The following FAM193A variants were observed in gnomAD, a reference collection of about 807,000 sequenced individuals.
FAM193A encodes protein FAM193A.
Under a neutral mutation model 126.5 loss-of-function variants are expected in FAM193A, and 22 were observed. That is an observed-to-expected ratio of 0.17 (90% CI 0.12 to 0.25). The LOEUF is 0.25. Ranked by LOEUF, FAM193A falls within the 10% of genes least tolerant of loss-of-function variation. The pLI, the probability that FAM193A is intolerant of heterozygous loss-of-function variation, is 1.00. For missense variants in FAM193A, 1,675 were observed against 1,672.8 expected (o/e 1.00, Z -0.02); for synonymous variants, 761 against 646.8 (o/e 1.18, Z -2.68).
chr4:2,551,802 T>C (rs1379416912), intron 1 of FAM193A, among the ~76,000 whole-genome samples: 1 of 152,040 alleles, frequency 6.6e-6, no homozygotes, highest in East Asian at 1.9e-4. Flanking sequence ...CACTTTGCCT[T>C]ATTATTTGCT....
chr4:2,624,528 C>G (rs1196816555), intron 2 of FAM193A, among the ~76,000 whole-genome samples: 1 of 152,190 alleles, frequency 6.6e-6, no homozygotes, highest in East Asian at 1.9e-4. Context: ...GGCCTCTGCC[C>G]CGGCTGCTTG....
chr4:2,715,362 C>G (rs1719428159), intron 19 of FAM193A: 1 of 237,560 alleles, frequency 4.2e-6, no homozygotes, highest in South Asian at 1.5e-4. Context: ...ACTCAGGAGG[C>G]TGAGGCAGGA....
intron 18 of FAM193A, 88 bp downstream of exon 18, chr4:2,696,681 C>G: frequency 3.0e-6 from 3 of 996,448 alleles, no homozygotes; most frequent in South Asian, 3.0e-5. Context: ...CAGGGCTGAG[C>G]CACAGGAGGT....
chr4:2,694,933 T>C lies in FAM193A; in HGVS notation c.3093-13T>C. The C allele has an allele frequency of 6.3e-7, 1 of 1,578,264 alleles. No homozygotes were observed. Among genetic ancestry groups the C allele is most frequent in the Non-Finnish European group, 8.6e-7 (1 of 1,165,516 alleles). ...CCGGCCACTTGCTGATGAGCTTGTA[T>C]GCGGTTTTGCAGTGACCCTGACTGC... On this transcript the variant is annotated splice_polypyrimidine_tract_variant and intron_variant, in intron 16 of 20. Coordinates refer to ENST00000637812, the MANE Select transcript of FAM193A (RefSeq NM_001366318.2).
At chr4:2,641,476 A>T (rs1408598911) in intron 6 of FAM193A, among the ~76,000 whole-genome samples, 1 of 151,914 alleles carries the variant, frequency 6.6e-6, no homozygotes, top group Non-Finnish European at 1.5e-5. Flanking sequence ...TAACACGGTG[A>T]AACCTCGTCT....
In FAM193A at chr4:2,655,020, T is replaced by C. The variant is rs896354701; in HGVS notation, c.1312-2783T>C. 7 of 660,040 alleles carry C rather than the reference T, an allele frequency of 1.1e-5. No individual in the cohort carries two copies. In the African/African-American group the frequency reaches 1.2e-4, roughly 12 times the overall value. 40.9% of individuals were successfully genotyped at this position (660,040 alleles called of 1,614,324 possible). A position where few individuals can be genotyped will look rare whatever the true frequency, so the allele number is the denominator to read the frequency against. On this transcript the variant is annotated intron_variant, in intron 7 of 20. Coordinates refer to ENST00000637812, the MANE Select transcript of FAM193A (RefSeq NM_001366318.2). Reference sequence around the variant, plus strand: ...CAAATAATGATAGGTTTATCTCATCTTTTCCAGCATTTGTCCCCTTTTTTT... The same window carrying C: ...CAAATAATGATAGGTTTATCTCATCCTTTCCAGCATTTGTCCCCTTTTTTT...
rs991194950 is a variant in FAM193A at position 2,549,749 on chromosome 4, A to G, written c.255+12579A>G. On this transcript the variant is annotated intron_variant, in intron 1 of 20. Transcript: ENST00000637812. ...GTTTTACTTTTTTGTTTTCTTTGAG[A>G]TGGAGTCTCACTCTGTCTCCCAGGC... is the stretch of plus-strand genomic sequence containing the variant. 2.0e-5 allele frequency among the ~76,000 whole-genome samples: 3 copies of G among 150,018 alleles called. No individual in the cohort carries two copies. In the South Asian group the frequency reaches 6.3e-4, roughly 31 times the overall value.
chr4:2,721,311 TCAAAAAAAAAA>T (rs1560616192), intron 20 of FAM193A, among the ~76,000 whole-genome samples: 2 of 29,232 alleles, frequency 6.8e-5, no homozygotes, highest in African/African-American at 3.0e-4. Context: ...AGACTCCGTC[TCAAAAAAAAAA>T]AAAAAAAAAA....
chr4:2,546,197 TC>T (rs1272682961), intron 1 of FAM193A, among the ~76,000 whole-genome samples: 2 of 151,728 alleles, frequency 1.3e-5, no homozygotes, highest in African/African-American at 4.8e-5. Flanking sequence ...CCACTGTGTT[TC>T]CCAAGCTGAT....
rs958578614 is a variant in FAM193A, at chr4:2,683,435, C to T, written c.2332-6071C>T. 2.0e-4 allele frequency among the ~76,000 whole-genome samples: 30 copies of T among 152,162 alleles called. 1 individual carries two copies. Among genetic ancestry groups the T allele is most frequent in the Admixed American group, 1.6e-3 (24 of 15,276 alleles). On this transcript the variant is annotated intron_variant, in intron 13 of 20. Transcript: ENST00000637812. ...TCAGCCTCCCAGGTAGCTGGGATTACAGGCTCCCGCCATCATGCCCGGCTA... is the reference window on the plus strand; with the variant it reads ...TCAGCCTCCCAGGTAGCTGGGATTATAGGCTCCCGCCATCATGCCCGGCTA...
chr4:2,706,400 G>A (rs867792980), intron 19 of FAM193A, among the ~76,000 whole-genome samples: 2 of 148,364 alleles, frequency 1.3e-5, no homozygotes, highest in African/African-American at 2.5e-5. Context: ...GGGTTCAAGC[G>A]ATTCTCCTGC....
chr4:2,615,592 C>T (rs1270031248), intron 2 of FAM193A, among the ~76,000 whole-genome samples: 1 of 152,172 alleles, frequency 6.6e-6, no homozygotes, highest in African/African-American at 2.4e-5. Context: ...GATCTCGGCT[C>T]ACTGCAACCT....
chr4:2,726,009 C>T (rs192832896), intron 20 of FAM193A, among the ~76,000 whole-genome samples: 1 of 151,838 alleles, frequency 6.6e-6, no homozygotes, highest in East Asian at 1.9e-4. Flanking sequence ...CGCCATTCTC[C>T]TGCCTCAGGC....
intron 2 of FAM193A, among the ~76,000 whole-genome samples, chr4:2,602,959 C>CTTTTTTTTTTTTTTTTTTTTTTTTTTTT (rs71178487): frequency 2.4e-5 from 1 of 42,292 alleles, no homozygotes; most frequent in African/African-American, 1.2e-4. Context: ...TGCACCCGGC[C>CTTTTTTTTTTTTTTTTTTTTTTTTTTTT]TTTTTTTTTT....
intron 1 of FAM193A, among the ~76,000 whole-genome samples, chr4:2,539,341 G>A (rs1461297228): frequency 6.6e-6 from 1 of 152,076 alleles, no homozygotes; most frequent in Non-Finnish European, 1.5e-5. Flanking sequence ...ATTACTAAGG[G>A]CACAGACCCT....
chr4:2,637,717 T>A (rs1262463033), intron 5 of FAM193A, among the ~76,000 whole-genome samples: 2 of 152,120 alleles, frequency 1.3e-5, no homozygotes, highest in African/African-American at 4.8e-5. Flanking sequence ...CATGCCCCGG[T>A]CCAGTTATTT....
chr4:2,729,676 C>T (rs1465293116), intron 20 of FAM193A, among the ~76,000 whole-genome samples: 2 of 152,168 alleles, frequency 1.3e-5, no homozygotes, highest in Non-Finnish European at 2.9e-5. Context: ...CTGCCACCGG[C>T]AACAGGCTCG....
chr4:2,624,045 TAGA>T (rs944538469), intron 2 of FAM193A, among the ~76,000 whole-genome samples: 24 of 152,236 alleles, frequency 1.6e-4, no homozygotes, highest in Admixed American at 9.2e-4. Context: ...GGGCCTCTTC[TAGA>T]AGGAGCCTTG....
chr4:2,639,994 T>C lies in FAM193A; in HGVS notation c.1163+135T>C, dbSNP rs1744458109. ...AAATAACAGGGCTTAAAGAAAAAGA[T>C]AGTTTGGGCCAAAAGCTCAAAACCT... On this transcript the variant is annotated intron_variant, in intron 6 of 20. Transcript: ENST00000637812. The C allele has an allele frequency of 3.6e-6, 3 of 840,264 alleles. No homozygotes were observed. In the African/African-American group the frequency reaches 5.1e-5, roughly 14 times the overall value. 52.1% of individuals were successfully genotyped at this position (840,264 alleles called of 1,614,324 possible). A position where few individuals can be genotyped will look rare whatever the true frequency, so the allele number is the denominator to read the frequency against.
Sources: allele counts gnomAD v4.1 joint callset (sites outside exome capture counted in the v4.1 genomes callset), GRCh38; gene constraint gnomAD v4.1.1; transcripts MANE v1.5; gene names NCBI Gene and HGNC (gene_info 2026-07-23, HGNC 2026-07-21).